The following APOD variants were observed in gnomAD, a reference collection of about 807,000 sequenced individuals.
The protein encoded by APOD is apo-D.
In APOD, 22 loss-of-function variants were observed where a neutral mutation model predicts 20.4. The observed-to-expected ratio is 1.08, with a 90% confidence interval of 0.77 to 1.54. APOD has a LOEUF of 1.54. Ranked by LOEUF, APOD falls within the 40% of genes most tolerant of loss-of-function variation. APOD has a pLI of 0.00. For synonymous variants in APOD, 97 were observed against 92.4 expected, an observed-to-expected ratio of 1.05 and a Z score of -0.29; for missense variants, 223 against 229.6, an observed-to-expected ratio of 0.97 and a Z score of 0.19.
intron 4 of APOD, among the ~76,000 whole-genome samples, chr3:195,569,786 GTTTTTTTTT>G (rs543541862): frequency 6.3e-4 from 34 of 54,054 alleles, no homozygotes; most frequent in African/African-American, 2.7e-3. Flanking sequence ...CTTCTTCTTC[GTTTTTTTTT>G]TTTTTTTTTT....
intron 2 of APOD, among the ~76,000 whole-genome samples, chr3:195,574,276 G>A (rs1363508857): frequency 1.3e-5 from 2 of 152,222 alleles, no homozygotes; most frequent in Non-Finnish European, 1.5e-5. Context: ...ATCTGAAACA[G>A]TGCACAATTC....
chr3:195,572,737 C>T (rs182147724), intron 3 of APOD, among the ~76,000 whole-genome samples: 93 of 152,124 alleles, frequency 6.1e-4, no homozygotes, highest in East Asian at 1.2e-3. Flanking sequence ...GTTGGCCGGG[C>T]GTGGTGGCTC....
At chr3:195,571,213 G>C in intron 4 of APOD, 64 bp downstream of exon 4, 1 of 1,392,620 alleles carries the variant, frequency 7.2e-7, no homozygotes, top group Non-Finnish European at 1.0e-6. Context: ...TCCAAGCCGG[G>C]GCGCTAGCCT....
intron 2 of APOD, among the ~76,000 whole-genome samples, chr3:195,574,252 G>A (rs116372733): frequency 2.6e-5 from 4 of 152,252 alleles, no homozygotes; most frequent in African/African-American, 9.6e-5. Context: ...AGGGGATGAT[G>A]GGAAATACCT....
At chr3:195,580,539 G>A (rs1720320128) in intron 1 of APOD, among the ~76,000 whole-genome samples, 1 of 151,794 alleles carries the variant, frequency 6.6e-6, no homozygotes, top group South Asian at 2.1e-4. Context: ...TGAGTAGCTG[G>A]GATTACAGGT....
At chr3:195,579,604 C>T in intron 1 of APOD, 109 bp from the exon 2 acceptor site, 1 of 1,182,688 alleles carries the variant, frequency 8.5e-7, no homozygotes, top group Non-Finnish European at 1.2e-6. Flanking sequence ...GGTCCCTCCT[C>T]TTCTCTCCCC....
chr3:195,570,861 G>C (rs1364375871), intron 4 of APOD: 1 of 174,850 alleles, frequency 5.7e-6, no homozygotes, highest in South Asian at 1.5e-4. Flanking sequence ...CGTCACTCTT[G>C]TCATCTCTTG....
Position 195,569,740 on chromosome 3 carries a change from A to G in APOD, c.335-605T>C, listed in dbSNP as rs192709661. Among the ~76,000 whole-genome samples, 31 of 143,472 alleles carry G rather than the reference A, an allele frequency of 2.2e-4. No individual in the cohort carries two copies. In the East Asian group the frequency reaches 3.9e-3, roughly 18 times the overall value. The allele number at this position is 143,472 out of a possible 152,430, so 94.1% of individuals were successfully genotyped here. A position where few individuals can be genotyped will look rare whatever the true frequency, so the allele number is the denominator to read the frequency against. On this transcript the variant is annotated intron_variant, in intron 4 of 4. Coordinates refer to ENST00000343267, the MANE Select transcript of APOD (RefSeq NM_001647.4). The stretch of plus-strand genomic sequence containing the variant: ...CCTAACCTCATGCCCCTCTTCATGT[A>G]CACTCCCAGGCTCTAGGCCTCTTTA...
At chr3:195,573,304 T>C (rs1299213894) in intron 3 of APOD, among the ~76,000 whole-genome samples, 2 of 152,234 alleles carry the variant, frequency 1.3e-5, no homozygotes, top group Non-Finnish European at 2.9e-5. Context: ...CGTAGCTTTT[T>C]GGATTAATTA....
chr3:195,579,320 C>A lies in APOD; in HGVS notation c.123+19G>T. 1 of 1,613,762 alleles carries A rather than the reference C, an allele frequency of 6.2e-7. No individual in the cohort carries two copies. Among genetic ancestry groups the A allele is most frequent in the Non-Finnish European group, 8.5e-7 (1 of 1,179,740 alleles). On this transcript the variant is annotated intron_variant, in intron 2 of 4. Transcript: ENST00000343267. ...TTCACAGCGGAGGCAGCAAAACAAACGGGAGGTTCGCCTTTTACCTTATTC... is the reference window on the plus strand; with the variant it reads ...TTCACAGCGGAGGCAGCAAAACAAAAGGGAGGTTCGCCTTTTACCTTATTC...
intron 1 of APOD, among the ~76,000 whole-genome samples, chr3:195,581,395 A>G (rs1229210646): frequency 6.6e-6 from 1 of 152,204 alleles, no homozygotes; most frequent in Non-Finnish European, 1.5e-5. Flanking sequence ...ATTTGCATCC[A>G]TTTTAAAGAG....
At position 195,571,281 on chromosome 3, in the gene APOD, G is replaced by T. The variant is rs756869449; in HGVS notation, c.330C>A (p.Ser110=). The part of the protein sequence containing the change: ...TEPAKLEVKF[S]WFMPSAPYWI... ...CTGGGAAAAGTGGATACTTACACCA[G>T]GAAAACTTAACTTCCAGCTTGGCAG... is the stretch of plus-strand genomic sequence containing the variant. Residue 110 remains serine (S), a synonymous_variant, in exon 4 of 5, where the codon TCC becomes TCA. Coordinates refer to ENST00000343267, the MANE Select transcript of APOD (RefSeq NM_001647.4). 2 of 1,613,904 alleles carry T rather than the reference G, an allele frequency of 1.2e-6. No individual in the cohort carries two copies. Among genetic ancestry groups the T allele is most frequent in the East Asian group, 4.5e-5 (2 of 44,888 alleles).
In APOD at chr3:195,579,376, G is replaced by C; in HGVS notation, c.86C>G (p.Pro29Arg). Reference sequence around the variant, plus strand: ...AAAATTCTCCTGCACCGGAGGATTGGGGCACTTCCCAAGATGAAATGCTTG... The same window carrying C: ...AAAATTCTCCTGCACCGGAGGATTGCGGCACTTCCCAAGATGAAATGCTTG... ...EGQAFHLGKCPNPPVQENFDV... is the reference protein window; with the variant it reads ...EGQAFHLGKCRNPPVQENFDV... The change falls in exon 2 of 5, where the codon CCC becomes CGC. Residue 29 changes from proline to arginine, a missense_variant. By Grantham distance (103) the Pro-to-Arg change is moderately radical. Coordinates refer to ENST00000343267, the MANE Select transcript of APOD (RefSeq NM_001647.4). 6.2e-7 allele frequency: 1 copy of C among 1,614,242 alleles called. No homozygotes were observed. The highest frequency in any genetic ancestry group is 1.1e-5 in the South Asian group (1 of 91,084).
chr3:195,583,103 C>CT (rs1338725887), intron 1 of APOD: 1 of 152,176 alleles, frequency 6.6e-6, no homozygotes, highest in African/African-American at 2.4e-5. Context: ...TTTAAGGGTG[C>CT]TATGCGCTCA....
Position 195,574,040 on chromosome 3 carries a change from G to C in APOD, c.124-69C>G, listed in dbSNP as rs569221987. The C allele has an allele frequency of 9.5e-6, 15 of 1,586,822 alleles. No individual in the cohort carries two copies. In the South Asian group the frequency reaches 1.3e-4, roughly 13 times the overall value. On this transcript the variant is annotated intron_variant, in intron 2 of 4. Transcript: ENST00000343267. ...GACCTGCAACTTCTTCCCCATTGTC[G>C]TGCAGACGCAGAGCCCTGTCCTGGG...
chr3:195,574,354 G>A (rs1720216361), intron 2 of APOD, among the ~76,000 whole-genome samples: 6 of 152,224 alleles, frequency 3.9e-5, no homozygotes, highest in Admixed American at 2.0e-4. Context: ...ACTCCAGAGC[G>A]CACGGAACTT....
intron 2 of APOD, among the ~76,000 whole-genome samples, chr3:195,574,834 A>T (rs1299608559): frequency 1.3e-5 from 2 of 152,236 alleles, no homozygotes; most frequent in Admixed American, 6.5e-5. Context: ...TTCCTCTTTC[A>T]AAAGAGTGGT....
chr3:195,579,626 A>G (rs1560046896), intron 1 of APOD, 131 bp from the exon 2 acceptor site: 4 of 971,584 alleles, frequency 4.1e-6, no homozygotes, highest in Non-Finnish European at 6.0e-6. Context: ...GCCCATGTGA[A>G]CCCTCATCCT....
chr3:195,568,824 G>C lies in APOD; in HGVS notation c.*76C>G, dbSNP rs1577600821. On this transcript the variant is annotated 3_prime_UTR_variant, in exon 5 of 5. Coordinates refer to ENST00000343267, the MANE Select transcript of APOD (RefSeq NM_001647.4). ...TTCCTTTGTCGTGGTTGATTGGTTT[G>C]TCTTTATGGGGGGGGGGTAGGGGAA... 3 of 877,224 alleles carry C rather than the reference G, an allele frequency of 3.4e-6. No homozygotes were observed. The highest frequency in any genetic ancestry group is 2.9e-5 in the African/African-American group (1 of 34,228). 54.3% of individuals were successfully genotyped at this position (877,224 alleles called of 1,614,324 possible).
Sources: allele counts gnomAD v4.1 joint callset (sites outside exome capture counted in the v4.1 genomes callset), GRCh38; gene constraint gnomAD v4.1.1; transcripts MANE v1.5; gene names NCBI Gene and HGNC (gene_info 2026-07-23, HGNC 2026-07-21).